METTL14: variants seen among roughly 807,000 people sequenced by gnomAD.
METTL14 encodes N(6)-adenosine-methyltransferase non-catalytic subunit METTL14.
A neutral mutation model predicts 62.4 loss-of-function variants in METTL14; 32 were observed. The ratio of observed to expected loss-of-function variants is 0.51; its 90% CI spans 0.39 to 0.69. The LOEUF (loss-of-function observed/expected upper bound fraction) is 0.69, where lower values mean the gene tolerates loss of function less well. METTL14 is among the 30% of genes least tolerant of loss of function. METTL14 has a pLI of 0.00. For synonymous variants in METTL14, 150 were observed against 180.0 expected, an observed-to-expected ratio of 0.83 and a Z score of 1.34; for missense variants, 340 against 551.9, an observed-to-expected ratio of 0.62 and a Z score of 3.85.
chr4:118,685,543 C>G lies in METTL14; in HGVS notation c.9C>G (p.Ser3Arg), dbSNP rs150512311. MD[S>R]RLQEIRERQK... ...AAAGCCGGAGTTGGAACATGGATAG[C>G]CGCTTGCAGGAGATCCGGGAGCGGC... The change falls in exon 1 of 11, where the codon AGC becomes AGG. Residue 3 changes from serine (S) to arginine (R), a missense_variant. Physicochemically the swap from Ser to Arg is moderately radical, Grantham distance 110. Around this residue, in one of 7 missense-constraint regions of METTL14, gnomAD observed 111 missense variants for 116.6 expected, o/e 0.95. Transcript: ENST00000388822. 6.8e-6 allele frequency: 11 copies of G among 1,614,006 alleles called. No homozygotes were observed. In the South Asian group the frequency reaches 1.1e-4, roughly 16 times the overall value.
intron 10 of METTL14, among the ~76,000 whole-genome samples, chr4:118,708,552 A>G (rs1724828857): frequency 1.3e-5 from 2 of 152,188 alleles, no homozygotes; most frequent in African/African-American, 4.8e-5. Flanking sequence ...TTTTTCTTCA[A>G]CTATTACAAA....
At chr4:118,698,004 T>C (rs899856175) in intron 7 of METTL14, among the ~76,000 whole-genome samples, 4 of 151,940 alleles carry the variant, frequency 2.6e-5, no homozygotes, top group African/African-American at 9.7e-5. Context: ...TGTATGTAGG[T>C]TGGTATTGTT....
At chr4:118,691,490 C>A (rs1273849428) in intron 3 of METTL14, 42 bp from the exon 4 acceptor site, 1 of 1,041,036 alleles carries the variant, frequency 9.6e-7, no homozygotes, top group Non-Finnish European at 1.4e-6. Flanking sequence ...AGAGAAATAA[C>A]CCCTATTTGT....
Position 118,685,528 on chromosome 4 carries a change from T to C in METTL14, c.-7T>C. 3 of 1,613,952 alleles carry C rather than the reference T, an allele frequency of 1.9e-6. No homozygotes were observed. The highest frequency in any genetic ancestry group is 1.1e-5 in the South Asian group (1 of 91,052). On this transcript the variant is annotated 5_prime_UTR_variant, in exon 1 of 11. Coordinates refer to ENST00000388822, the MANE Select transcript of METTL14 (RefSeq NM_020961.4). The stretch of plus-strand genomic sequence containing the variant: ...TACTCGGGATAGTGAAAAGCCGGAG[T>C]TGGAACATGGATAGCCGCTTGCAGG...
rs1724129440 is a variant in METTL14 at position 118,688,026 on chromosome 4, T to TA, written c.155+15_155+16insA. ...GAAACTTGCAGGTCAGTCAGATAAT[T>TA]CTTTTTTTTTTTTTTTTTGAGACAG... is the stretch of plus-strand genomic sequence containing the variant. On this transcript the variant is annotated intron_variant, in intron 2 of 10. Coordinates refer to ENST00000388822, the MANE Select transcript of METTL14 (RefSeq NM_020961.4). 9.4e-5 allele frequency: 143 copies of TA among 1,526,958 alleles called. No individual in the cohort carries two copies. Among genetic ancestry groups the TA allele is most frequent in the Non-Finnish European group, 1.2e-4 (132 of 1,119,624 alleles). 94.6% of individuals were successfully genotyped at this position (1,526,958 alleles called of 1,614,324 possible).
Position 118,712,846 on chromosome 4 carries a change from G to T in METTL14, c.*2544G>T, listed in dbSNP as rs554581238. On this transcript the variant is annotated 3_prime_UTR_variant, in exon 11 of 11. Coordinates refer to ENST00000388822, the MANE Select transcript of METTL14 (RefSeq NM_020961.4). ...ACTGACCTTCCTCCTTTCAGAGGATGGGGATTAGGAGGCCCAAAGTACTGA... is the reference window on the plus strand; with the variant it reads ...ACTGACCTTCCTCCTTTCAGAGGATTGGGATTAGGAGGCCCAAAGTACTGA... 1.3e-5 allele frequency: 2 copies of T among 152,082 alleles called. No individual in the cohort carries two copies. The highest frequency in any genetic ancestry group is 4.8e-5 in the African/African-American group (2 of 41,380). The allele number at this position is 152,082 out of a possible 1,614,324, so 9.4% of individuals were successfully genotyped here. A position where few individuals can be genotyped will look rare whatever the true frequency, so the allele number is the denominator to read the frequency against.
rs147359154 is a variant in METTL14 at position 118,695,514 on chromosome 4, A to G, written c.503+988A>G. Among the ~76,000 whole-genome samples the G allele has an allele frequency of 9.3e-3, 1,417 of 152,264 alleles. 79 individuals carry two copies. Among genetic ancestry groups the G allele is most frequent in the Admixed American group, 0.079 (1,207 of 15,288 alleles). ...CAGTGAGCCGAGATCGCACCATTGC[A>G]CTTTAGCCTGGGTGACGGAGTGAGA... On this transcript the variant is annotated intron_variant, in intron 6 of 10. Coordinates refer to ENST00000388822, the MANE Select transcript of METTL14 (RefSeq NM_020961.4).
At chr4:118,694,133 T>G (rs1287514921) in intron 5 of METTL14, among the ~76,000 whole-genome samples, 1 of 151,508 alleles carries the variant, frequency 6.6e-6, no homozygotes, top group East Asian at 1.9e-4. Context: ...GTTGTTTTTT[T>G]TTTTTTTTCC....
chr4:118,692,946 G>A (rs995808833), intron 5 of METTL14, among the ~76,000 whole-genome samples: 1 of 152,128 alleles, frequency 6.6e-6, no homozygotes, highest in African/African-American at 2.4e-5. Context: ...GTTTGTCACT[G>A]GCTTCTTTCA....
chr4:118,701,209 G>A (rs1186205140), intron 8 of METTL14, among the ~76,000 whole-genome samples: 1 of 133,994 alleles, frequency 7.5e-6, no homozygotes, highest in Admixed American at 8.0e-5. Flanking sequence ...TTGAGACAAG[G>A]TACCAACTCT....
Position 118,685,727 on chromosome 4 carries a change from C to T in METTL14, c.66+127C>T, listed in dbSNP as rs1724032635. On this transcript the variant is annotated intron_variant, in intron 1 of 10. Transcript: ENST00000388822. ...CGCTGTTAAGGCCTTTCTGGTCCTG[C>T]GATCTTGATCCCTGGTTCTGCCTTT... 25 of 775,012 alleles carry T rather than the reference C, an allele frequency of 3.2e-5. 1 individual carries two copies. In the South Asian group the frequency reaches 3.8e-4, roughly 12 times the overall value. The allele number at this position is 775,012 out of a possible 1,614,324, so 48.0% of individuals were successfully genotyped here.
At chr4:118,706,611 T>C (rs183767067) in intron 10 of METTL14, among the ~76,000 whole-genome samples, 11 of 152,326 alleles carry the variant, frequency 7.2e-5, no homozygotes, top group African/African-American at 1.7e-4. Context: ...GGAGCACAAA[T>C]GCTGGATTGT....
intron 7 of METTL14, 103 bp downstream of exon 7, chr4:118,697,426 G>A (rs1256628752): frequency 9.9e-6 from 10 of 1,005,992 alleles, no homozygotes; most frequent in Non-Finnish European, 1.4e-5. Flanking sequence ...ACTTTTGTAG[G>A]GATTATAAAT....
At chr4:118,686,870 C>T (rs537936744) in intron 1 of METTL14, among the ~76,000 whole-genome samples, 1 of 152,196 alleles carries the variant, frequency 6.6e-6, no homozygotes, top group Non-Finnish European at 1.5e-5. Context: ...TGGTTGCACT[C>T]TACTTAGCCA....
At chr4:118,698,512 C>G (rs1214867101) in intron 7 of METTL14, among the ~76,000 whole-genome samples, 1 of 148,568 alleles carries the variant, frequency 6.7e-6, no homozygotes, top group Non-Finnish European at 1.5e-5. Context: ...AAGACTCTTT[C>G]TTAGAGTAAC....
chr4:118,698,572 A>G (rs967544444), intron 7 of METTL14, among the ~76,000 whole-genome samples: 2 of 152,096 alleles, frequency 1.3e-5, no homozygotes, highest in African/African-American at 2.4e-5. Flanking sequence ...TAGGAATGGA[A>G]AGAAGGTGAT....
At chr4:118,698,872 T>G (rs191946896) in intron 7 of METTL14, among the ~76,000 whole-genome samples, 1 of 152,288 alleles carries the variant, frequency 6.6e-6, no homozygotes, top group Admixed American at 6.5e-5. Flanking sequence ...GATTATCACA[T>G]AAAATCCATG....
chr4:118,692,230 T>TC (rs921415704), intron 5 of METTL14, among the ~76,000 whole-genome samples, 162 bp downstream of exon 5: 20 of 150,018 alleles, frequency 1.3e-4, no homozygotes, highest in Non-Finnish European at 1.5e-4. Flanking sequence ...TCTTTTCTTT[T>TC]TTTTTTTTTT....
intron 1 of METTL14, among the ~76,000 whole-genome samples, chr4:118,687,638 G>T (rs1724110621): frequency 6.6e-6 from 1 of 152,150 alleles, no homozygotes; most frequent in African/African-American, 2.4e-5. Context: ...CTTACAATGG[G>T]TTTATCAGGA....
Sources: allele counts gnomAD v4.1 joint callset (sites outside exome capture counted in the v4.1 genomes callset), GRCh38; gene constraint gnomAD v4.1.1; regional missense constraint gnomAD v4.1.1; transcripts MANE v1.5; gene names NCBI Gene and HGNC (gene_info 2026-07-23, HGNC 2026-07-21).